Variants in EHMT1 observed in about 807,000 individuals in gnomAD.
EHMT1 encodes histone-lysine N-methyltransferase EHMT1.
Under a neutral mutation model 147.2 loss-of-function variants are expected in EHMT1, and 15 were observed. The observed-to-expected ratio is 0.10, with a 90% CI of 0.07 to 0.16. The LOEUF is 0.16. Ranked by LOEUF, EHMT1 falls within the 10% of genes least tolerant of loss-of-function variation. The pLI is 1.00. For synonymous variants in EHMT1, 795 were observed against 709.6 expected, an observed-to-expected ratio of 1.12 and a Z score of -1.91; for missense variants, 1,587 against 1,772.4, an observed-to-expected ratio of 0.90 and a Z score of 1.88.
rs1167393921 is a variant in EHMT1, at chr9:137,777,905, A to C, written c.2042A>C (p.Glu681Ala). 1.2e-6 allele frequency: 2 copies of C among 1,613,398 alleles called. No homozygotes were observed. Among genetic ancestry groups the C allele is most frequent in the African/African-American group, 1.3e-5 (1 of 74,910 alleles). The change falls in exon 13 of 27, where the codon GAG becomes GCG. Residue 681 changes from glutamate to alanine, a missense_variant. Physicochemically the swap from Glu to Ala is moderately radical, Grantham distance 107. Around this residue, in one of 7 missense-constraint regions of EHMT1, gnomAD observed 77 missense variants for 79.3 expected, o/e 0.97. Coordinates refer to ENST00000460843, the MANE Select transcript of EHMT1 (RefSeq NM_024757.5). ...AGTGCTGCCGGGCCACCACTCTCGGAGGACGACAAGCTGCAGGGTGCAGCC... is the reference window on the plus strand; with the variant it reads ...AGTGCTGCCGGGCCACCACTCTCGGCGGACGACAAGCTGCAGGGTGCAGCC... ...TGSAAGPPLS[E>A]DDKLQGAASH...
intron 3 of EHMT1, among the ~76,000 whole-genome samples, chr9:137,718,760 C>G (rs3123505): frequency 7.3e-6 from 1 of 136,306 alleles, no homozygotes; most frequent in Non-Finnish European, 1.5e-5. Flanking sequence ...TTTTCTTTTT[C>G]TTTTTTTTTT....
At chr9:137,779,601 C>A (rs1477804074) in intron 13 of EHMT1, 34 bp from the exon 14 acceptor site, 2 of 1,610,870 alleles carry the variant, frequency 1.2e-6, no homozygotes. Context: ...GGATGCAGAG[C>A]CCCATGCTGA....
rs369941047 is a variant in EHMT1 at position 137,813,457 on chromosome 9, G to T, written c.3107G>T (p.Ser1036Ile). ...GCCGTGGACAGCGAGCCATGCCCCA[G>T]CAACTACAAGTACGTCTCTCAGAAC... ...VNAVDSEPCPSNYKYVSQNCV... is the reference protein window; with the variant it reads ...VNAVDSEPCPINYKYVSQNCV... The change falls in exon 21 of 27, where the codon AGC becomes ATC. Residue 1036 changes from serine (S) to isoleucine (I), a missense_variant. Physicochemically the swap from Ser to Ile is moderately radical, Grantham distance 142. Around this residue, in one of 7 missense-constraint regions of EHMT1, gnomAD observed 156 missense variants for 252.5 expected, o/e 0.62. Transcript: ENST00000460843. This position sits in a 1 kb window ranked among gnomAD's most constrained non-coding sequence, Gnocchi z 4.9. The T allele has an allele frequency of 5.9e-5, 96 of 1,613,904 alleles. No individual in the cohort carries two copies. Among genetic ancestry groups the T allele is most frequent in the Non-Finnish European group, 8.1e-5 (96 of 1,180,012 alleles).
intron 25 of EHMT1, among the ~76,000 whole-genome samples, chr9:137,823,701 A>AC (rs1955617626): frequency 6.6e-6 from 1 of 151,104 alleles, no homozygotes. Flanking sequence ...GTGAGCCACC[A>AC]CGCCCGGCCC....
chr9:137,834,639 G>A, intron 26 of EHMT1, 115 bp downstream of exon 26: 1 of 1,595,198 alleles, frequency 6.3e-7, no homozygotes, highest in Non-Finnish European at 8.5e-7. Context: ...TTTTCCTGTA[G>A]TTCTAAAAAC....
intron 4 of EHMT1, among the ~76,000 whole-genome samples, chr9:137,739,886 G>A (rs1189300657): frequency 2.0e-5 from 3 of 152,162 alleles, no homozygotes; most frequent in Admixed American, 2.0e-4. Context: ...AAGGAGGACG[G>A]TGTCTCTGAT....
rs1954678790 is a variant in EHMT1 at position 137,813,687 on chromosome 9, AAG to A, written c.3180+160_3180+161del. Among the ~76,000 whole-genome samples, 1 of 152,122 alleles carries A rather than the reference AAG, an allele frequency of 6.6e-6. No individual in the cohort carries two copies. The highest frequency in any genetic ancestry group is 2.1e-4 in the South Asian group (1 of 4,824). On this transcript the variant is annotated intron_variant, in intron 21 of 26. Coordinates refer to ENST00000460843, the MANE Select transcript of EHMT1 (RefSeq NM_024757.5). The surrounding 1 kb of genome is among the most constrained non-coding windows in gnomAD (Gnocchi z 4.9). ...TTCTCTTTGTAGTTGCCTCCCGTGA[AAG>A]AGCTGGAAGGCAGATAAAGGTTCTG...
chr9:137,805,514 C>T (rs1221795971), intron 18 of EHMT1, among the ~76,000 whole-genome samples: 2 of 152,230 alleles, frequency 1.3e-5, no homozygotes, highest in Non-Finnish European at 2.9e-5. Context: ...CAAGTACTGT[C>T]CTTTCTTGAC....
rs1216201354 is a variant in EHMT1 at position 137,816,850 on chromosome 9, C to T, written c.3375-589C>T. The T allele has an allele frequency of 5.0e-5, 9 of 180,782 alleles. No homozygotes were observed. In the East Asian group the frequency reaches 1.3e-3, roughly 26 times the overall value. The allele number at this position is 180,782 out of a possible 1,614,324, so 11.2% of individuals were successfully genotyped here. A position where few individuals can be genotyped will look rare whatever the true frequency, so the allele number is the denominator to read the frequency against. On this transcript the variant is annotated intron_variant, in intron 23 of 26. Coordinates refer to ENST00000460843, the MANE Select transcript of EHMT1 (RefSeq NM_024757.5). ...ACAGACGCGAGGCAGACACGGGACA[C>T]ATGCCAGATGGGCAGACGCGAGGCA...
Position 137,811,618 on chromosome 9 carries a change from G to A in EHMT1, c.2867+3G>A, listed in dbSNP as rs1298313599. 2 of 1,600,388 alleles carry A rather than the reference G, an allele frequency of 1.2e-6. No homozygotes were observed. Among genetic ancestry groups the A allele is most frequent in the Non-Finnish European group, 1.7e-6 (2 of 1,179,934 alleles). On this transcript the variant is annotated splice_donor_region_variant and intron_variant, in intron 19 of 26. Transcript: ENST00000460843. Reference sequence around the variant, plus strand: ...GAGAACCGCTACGACTGTGTCGTGTGAGTGCAGTGCTTCCCCCAGCGCGGG... The same window carrying A: ...GAGAACCGCTACGACTGTGTCGTGTAAGTGCAGTGCTTCCCCCAGCGCGGG...
At chr9:137,770,159 G>GT (rs571714148) in intron 10 of EHMT1, among the ~76,000 whole-genome samples, 12 of 152,116 alleles carry the variant, frequency 7.9e-5, no homozygotes, top group East Asian at 1.9e-4. Context: ...TCAGTCTTGT[G>GT]TTTTTTTCTT....
intron 1 of EHMT1, among the ~76,000 whole-genome samples, chr9:137,637,141 C>G (rs1163234333): frequency 6.6e-6 from 1 of 151,748 alleles, no homozygotes; most frequent in African/African-American, 2.4e-5. Context: ...TCGTGATCTG[C>G]CCGTCTCCAC....
chr9:137,730,998 A>G (rs979942885), intron 4 of EHMT1, among the ~76,000 whole-genome samples: 1 of 152,244 alleles, frequency 6.6e-6, no homozygotes, highest in African/African-American at 2.4e-5. Flanking sequence ...GTATGTGAGG[A>G]CTTAAAAGTA....
intron 1 of EHMT1, among the ~76,000 whole-genome samples, chr9:137,677,153 A>G (rs1299872498): frequency 6.6e-6 from 1 of 151,546 alleles, no homozygotes; most frequent in Non-Finnish European, 1.5e-5. Context: ...TTTTTTTTTA[A>G]GACAGAGTTT....
intron 24 of EHMT1, 114 bp downstream of exon 24, chr9:137,817,639 A>G (rs1013425793): frequency 7.4e-7 from 1 of 1,357,632 alleles, no homozygotes; most frequent in Non-Finnish European, 1.0e-6. Context: ...GGCGTACAGC[A>G]GCGTGGGGTG....
At position 137,795,401 on chromosome 9, in the gene EHMT1, GCA is replaced by G. The variant is rs554055210; in HGVS notation, c.2506-3386_2506-3385del. 4.1e-4 allele frequency among the ~76,000 whole-genome samples: 54 copies of G among 130,280 alleles called. 1 individual carries two copies. The highest frequency in any genetic ancestry group is 2.8e-3 in the South Asian group (10 of 3,604). 85.5% of individuals were successfully genotyped at this position (130,280 alleles called of 152,430 possible). A position where few individuals can be genotyped will look rare whatever the true frequency, so the allele number is the denominator to read the frequency against. On this transcript the variant is annotated intron_variant, in intron 16 of 26. Coordinates refer to ENST00000460843, the MANE Select transcript of EHMT1 (RefSeq NM_024757.5). ...CCAGGACACCATCCTATCGCAGGGT[GCA>G]CACACACACACACACACACACACAC...
intron 4 of EHMT1, among the ~76,000 whole-genome samples, chr9:137,729,028 G>A (rs1034799413): frequency 1.3e-5 from 2 of 152,118 alleles, no homozygotes; most frequent in African/African-American, 4.8e-5. Flanking sequence ...ATTCCTTACC[G>A]GGGACCTTTT....
chr9:137,802,576 A>C (rs2137426414), intron 18 of EHMT1: 1 of 398,630 alleles, frequency 2.5e-6, no homozygotes, highest in East Asian at 3.6e-5. Flanking sequence ...ACTTCCTCTC[A>C]GAGCTTGAGA....
intron 3 of EHMT1, among the ~76,000 whole-genome samples, chr9:137,723,331 G>A (rs539108613): frequency 1.4e-3 from 177 of 127,642 alleles, no homozygotes; most frequent in African/African-American, 5.0e-3. Context: ...AGCCCGGGGT[G>A]TGTCTGTGTC....
Sources: allele counts gnomAD v4.1 joint callset (sites outside exome capture counted in the v4.1 genomes callset), GRCh38; gene constraint gnomAD v4.1.1; regional missense constraint gnomAD v4.1.1; non-coding constraint Gnocchi (gnomAD v3.1); transcripts MANE v1.5; gene names NCBI Gene and HGNC (gene_info 2026-07-23, HGNC 2026-07-21).